Variants in SYT3 observed in about 807,000 individuals in gnomAD.
SYT3 encodes synaptotagmin 3.
Under a neutral mutation model 50.6 loss-of-function variants are expected in SYT3, and 25 were observed. The observed-to-expected ratio is 0.49, with a 90% CI of 0.36 to 0.69. The LOEUF is 0.69. Ranked by LOEUF, SYT3 falls within the 30% of genes least tolerant of loss-of-function variation. The pLI is 0.00. For synonymous variants in SYT3, 323 were observed against 353.9 expected, an observed-to-expected ratio of 0.91 and a Z score of 0.98; for missense variants, 589 against 793.6, an observed-to-expected ratio of 0.74 and a Z score of 3.10.
chr19:50,629,544 C>A, intron 5 of SYT3, 32 bp from the exon 6 acceptor site: 1 of 1,589,366 alleles, frequency 6.3e-7, no homozygotes, highest in Admixed American at 1.7e-5. Flanking sequence ...AGACAGACAC[C>A]GTGCCCATAA....
At position 50,622,151 on chromosome 19, in the gene SYT3, A is replaced by G; in HGVS notation, c.*334T>C. 8.0e-6 allele frequency: 1 copy of G among 125,536 alleles called. No individual in the cohort carries two copies. 7.8% of individuals were successfully genotyped at this position (125,536 alleles called of 1,614,324 possible). A position where few individuals can be genotyped will look rare whatever the true frequency, so the allele number is the denominator to read the frequency against. The stretch of plus-strand genomic sequence containing the variant: ...TCACGGCGAGAACAAGGGTCGGGAC[A>G]CTGAGTCTTGGACAAACAGCAAAGA... On this transcript the variant is annotated 3_prime_UTR_variant, in exon 11 of 11. Coordinates refer to ENST00000600079, the MANE Select transcript of SYT3 (RefSeq NM_001160329.2).
At chr19:50,624,982 G>A (rs1230739763) in intron 9 of SYT3, 180 bp downstream of exon 9, 6 of 497,846 alleles carry the variant, frequency 1.2e-5, no homozygotes, top group South Asian at 1.6e-4. Context: ...TGGGTAAATT[G>A]AGGCACAGAG....
chr19:50,625,070 G>T lies in SYT3; in HGVS notation c.1707+92C>A, dbSNP rs776990966. On this transcript the variant is annotated intron_variant, in intron 9 of 10. Coordinates refer to ENST00000600079, the MANE Select transcript of SYT3 (RefSeq NM_001160329.2). This position sits in a 1 kb window ranked among gnomAD's most constrained non-coding sequence, Gnocchi z 7.5. ...TGAAACCTAGGACGCCTGGCTCTGC[G>T]ACTCACGAACATGCAGGGCGTTCGT... is the stretch of plus-strand genomic sequence containing the variant. The T allele has an allele frequency of 3.1e-4, 409 of 1,312,538 alleles. 1 individual carries two copies. In the Middle Eastern group the frequency reaches 3.2e-3, roughly 10 times the overall value. The allele number at this position is 1,312,538 out of a possible 1,614,324, so 81.3% of individuals were successfully genotyped here. A position where few individuals can be genotyped will look rare whatever the true frequency, so the allele number is the denominator to read the frequency against.
the SYT3 span, among the ~76,000 whole-genome samples, chr19:50,653,262 C>G: frequency 6.6e-6 from 1 of 152,078 alleles, no homozygotes; most frequent in East Asian, 1.9e-4. Context: ...TGGTCTCGAA[C>G]TCCTGAGCTC....
chr19:50,625,756 GCCCCTCCTCCCT>G lies in SYT3; in HGVS notation c.1402+129_1402+140del. The stretch of plus-strand genomic sequence containing the variant: ...TCCGACCCAGGAGTCCAGGCCCCTG[GCCCCTCCTCCCT>G]CAGACCCAGGAGTCCAGATCCCCAG... On this transcript the variant is annotated intron_variant, in intron 7 of 10. Transcript: ENST00000600079. This position sits in a 1 kb window ranked among gnomAD's most constrained non-coding sequence, Gnocchi z 7.5. The G allele has an allele frequency of 1.1e-5, 10 of 921,914 alleles. No individual in the cohort carries two copies. The highest frequency in any genetic ancestry group is 2.7e-5 in the East Asian group (1 of 37,456). 57.1% of individuals were successfully genotyped at this position (921,914 alleles called of 1,614,324 possible).
rs1038642764 is a variant in SYT3 at position 50,625,124 on chromosome 19, G to A, written c.1707+38C>T. ...ATGGATGAAGGGGCCGAGGGTGCAC[G>A]GGTGCTTGTCAGGGGTCGGTGTGGG... On this transcript the variant is annotated intron_variant, in intron 9 of 10. Coordinates refer to ENST00000600079, the MANE Select transcript of SYT3 (RefSeq NM_001160329.2). The surrounding 1 kb of genome is among the most constrained non-coding windows in gnomAD (Gnocchi z 7.5). 7 of 1,528,086 alleles carry A rather than the reference G, an allele frequency of 4.6e-6. No homozygotes were observed. The East Asian group carries it at 6.9e-5, about 15-fold the overall frequency. The allele number at this position is 1,528,086 out of a possible 1,614,324, so 94.7% of individuals were successfully genotyped here. A position where few individuals can be genotyped will look rare whatever the true frequency, so the allele number is the denominator to read the frequency against.
Position 50,632,216 on chromosome 19 carries a change from T to C in SYT3, c.674+70A>G. ...CCAAATCCCGAACTCATAAGAGCTA[T>C]AGATAGGAAAGAGACACAGAGGAGG... On this transcript the variant is annotated intron_variant, in intron 4 of 10. Coordinates refer to ENST00000600079, the MANE Select transcript of SYT3 (RefSeq NM_001160329.2). The surrounding 1 kb of genome is among the most constrained non-coding windows in gnomAD (Gnocchi z 4.7). The C allele has an allele frequency of 6.8e-7, 1 of 1,464,732 alleles. No homozygotes were observed. Among genetic ancestry groups the C allele is most frequent in the Non-Finnish European group, 9.2e-7 (1 of 1,088,784 alleles). 90.7% of individuals were successfully genotyped at this position (1,464,732 alleles called of 1,614,324 possible).
chr19:50,625,958 G>A lies in SYT3; in HGVS notation c.1341C>T (p.Arg447=). Residue 447 remains arginine (R), a synonymous_variant, in exon 7 of 11, where the codon CGC becomes CGT. Transcript: ENST00000600079. This position sits in a 1 kb window ranked among gnomAD's most constrained non-coding sequence, Gnocchi z 7.5. ...FSLCYLPTAG[R]LTVTIIKASN... ...AGGCTTTGATGATGGTCACGGTGAG[G>A]CGCCCGGCCGTGGGGAGGTAGCAGA... is the stretch of plus-strand genomic sequence containing the variant. 1.2e-6 allele frequency: 2 copies of A among 1,614,102 alleles called. No individual in the cohort carries two copies. Among genetic ancestry groups the A allele is most frequent in the Non-Finnish European group, 1.7e-6 (2 of 1,179,984 alleles).
intron 3 of SYT3, among the ~76,000 whole-genome samples, chr19:50,634,304 C>T (rs889423523): frequency 4.6e-5 from 7 of 152,154 alleles, no homozygotes; most frequent in South Asian, 2.1e-4. Flanking sequence ...AGGCCATTGC[C>T]GGCAAGGACA....
upstream of SYT3, among the ~76,000 whole-genome samples, chr19:50,644,674 A>T (rs1984734136): frequency 6.6e-6 from 1 of 151,938 alleles, no homozygotes; most frequent in Non-Finnish European, 1.5e-5. Flanking sequence ...GGAGAAAAAG[A>T]TGAAGGAATG....
At position 50,632,290 on chromosome 19, in the gene SYT3, T is replaced by C; in HGVS notation, c.670A>G (p.Thr224Ala). 6.4e-7 allele frequency: 1 copy of C among 1,566,192 alleles called. No individual in the cohort carries two copies. Among genetic ancestry groups the C allele is most frequent in the Non-Finnish European group, 8.7e-7 (1 of 1,149,984 alleles). ...HQQVTSLAPT[T>A]RYPALPRPLT... is the part of the protein sequence containing the mutation. ...CAACCCAGTATCCTCTCTCACCTGGTAGTGGGTGCCAGGCTTGTGACCTGC... is the reference window on the plus strand; with the variant it reads ...CAACCCAGTATCCTCTCTCACCTGGCAGTGGGTGCCAGGCTTGTGACCTGC... Residue 224 changes from threonine to alanine, a missense_variant, in exon 4 of 11, where the codon ACC (threonine) becomes GCC (alanine). By Grantham distance (58) the Thr-to-Ala change is moderately conservative. This residue lies in a region of SYT3 where 316 missense variants were observed against 354.3 expected (regional missense o/e 0.89). Coordinates refer to ENST00000600079, the MANE Select transcript of SYT3 (RefSeq NM_001160329.2). The surrounding 1 kb of genome is among the most constrained non-coding windows in gnomAD (Gnocchi z 4.7).
At chr19:50,646,320 G>C in the SYT3 span, among the ~76,000 whole-genome samples, 1 of 152,216 alleles carries the variant, frequency 6.6e-6, no homozygotes, top group Non-Finnish European at 1.5e-5. Context: ...AGCATTTGAT[G>C]CTGGTCTGTT....
chr19:50,625,294 G>A lies in SYT3; in HGVS notation c.1575C>T (p.Cys525=). Residue 525 remains cysteine (C), a splice_region_variant and synonymous_variant, in exon 9 of 11, where the codon TGC becomes TGT. Transcript: ENST00000600079. This position sits in a 1 kb window ranked among gnomAD's most constrained non-coding sequence, Gnocchi z 7.5. ...CGCCGATCACCTCGTTGTGCCCGAT[G>A]CTGGGGGTTGGGGTCAGTGAGGACC... ...GLSIAVVDYD[C]IGHNEVIGVC... The A allele has an allele frequency of 2.0e-6, 3 of 1,534,950 alleles. No individual in the cohort carries two copies. The highest frequency in any genetic ancestry group is 2.6e-6 in the Non-Finnish European group (3 of 1,142,864).
intron 6 of SYT3, among the ~76,000 whole-genome samples, chr19:50,626,771 T>C (rs924642391): frequency 2.4e-5 from 3 of 123,604 alleles, no homozygotes; most frequent in African/African-American, 9.5e-5. Context: ...GAGAGATATA[T>C]ATAGAGAGAG....
rs1360880414 is a variant in SYT3 at position 50,632,302 on chromosome 19, G to A, written c.658C>T (p.Leu220=). 2 of 1,578,480 alleles carry A rather than the reference G, an allele frequency of 1.3e-6. No individual in the cohort carries two copies. The highest frequency in any genetic ancestry group is 2.7e-5 in the African/African-American group (2 of 74,260). ...CTCTCTCACCTGGTAGTGGGTGCCA[G>A]GCTTGTGACCTGCTGATGTGACTGG... ...SAQSHQQVTS[L]APTTRYPALP... is the part of the protein sequence containing the mutation. The change falls in exon 4 of 11, where the codon CTG becomes TTG. Residue 220 remains leucine (L), a synonymous_variant. Transcript: ENST00000600079. The surrounding 1 kb of genome is among the most constrained non-coding windows in gnomAD (Gnocchi z 4.7).
In SYT3 at chr19:50,630,182, T is replaced by G. The variant is rs1599816782; in HGVS notation, c.675-11A>C. On this transcript the variant is annotated splice_polypyrimidine_tract_variant and intron_variant, in intron 4 of 10. Coordinates refer to ENST00000600079, the MANE Select transcript of SYT3 (RefSeq NM_001160329.2). ...GGCAGGGCTGGGTACCTGTAGGGGGTTGGGGGGAGACCAAGGTGAGGTCAG... is the reference window on the plus strand; with the variant it reads ...GGCAGGGCTGGGTACCTGTAGGGGGGTGGGGGGAGACCAAGGTGAGGTCAG... 6.6e-7 allele frequency: 1 copy of G among 1,510,422 alleles called. No homozygotes were observed. The highest frequency in any genetic ancestry group is 1.4e-5 in the African/African-American group (1 of 71,938). The allele number at this position is 1,510,422 out of a possible 1,614,324, so 93.6% of individuals were successfully genotyped here.
chr19:50,627,754 A>G (rs1048943134), intron 6 of SYT3, among the ~76,000 whole-genome samples: 32 of 148,676 alleles, frequency 2.2e-4, no homozygotes, highest in Non-Finnish European at 4.1e-4. Flanking sequence ...AATGAGAGAG[A>G]GAGAATGTAT....
chr19:50,639,442 G>A lies in SYT3; in HGVS notation c.-153-280C>T, dbSNP rs899750990. On this transcript the variant is annotated intron_variant, in intron 1 of 10. Coordinates refer to ENST00000600079, the MANE Select transcript of SYT3 (RefSeq NM_001160329.2). The surrounding 1 kb of genome is among the most constrained non-coding windows in gnomAD (Gnocchi z 4.6). Reference sequence around the variant, plus strand: ...TTTTTTTTTTTTTTTTAAGGTTTTGGGGGGTTAAGATGCTGGGGTCCCAAG... The same window carrying A: ...TTTTTTTTTTTTTTTTAAGGTTTTGAGGGGTTAAGATGCTGGGGTCCCAAG... The A allele has an allele frequency of 2.0e-5, 3 of 151,644 alleles. No homozygotes were observed. Among genetic ancestry groups the A allele is most frequent in the Admixed American group, 6.6e-5 (1 of 15,250 alleles). The allele number at this position is 151,644 out of a possible 1,614,324, so 9.4% of individuals were successfully genotyped here.
chr19:50,631,355 G>A (rs891205572), intron 4 of SYT3, among the ~76,000 whole-genome samples: 9 of 151,690 alleles, frequency 5.9e-5, no homozygotes, highest in Non-Finnish European at 1.2e-4. Context: ...GTAGAGATGG[G>A]GTTTCACCAT....
Sources: gnomAD v4.1 joint callset for allele counts (sites outside exome capture counted in the v4.1 genomes callset) on GRCh38, gnomAD v4.1.1 for gene constraint, gnomAD v4.1.1 regional missense constraint, Gnocchi (gnomAD v3.1) non-coding constraint, MANE v1.5 for transcripts, NCBI Gene and HGNC (gene_info 2026-07-23, HGNC 2026-07-21) for gene names.